Variants in MAGI1 observed in about 807,000 individuals in gnomAD.
The protein encoded by MAGI1 is membrane-associated guanylate kinase, WW and PDZ domain-containing protein 1.
In MAGI1, 58 loss-of-function variants were observed where a neutral mutation model predicts 139.9. That is an observed-to-expected ratio of 0.41 (90% CI 0.34 to 0.52). MAGI1 has a LOEUF of 0.52. Ranked by LOEUF, MAGI1 falls within the 20% of genes least tolerant of loss-of-function variation. MAGI1 has a pLI of 0.12. For missense variants in MAGI1, 1,874 were observed against 1,901.6 expected (o/e 0.99, Z 0.27); for synonymous variants, 812 against 737.9 (o/e 1.10, Z -1.63).
intron 1 of MAGI1, among the ~76,000 whole-genome samples, chr3:66,020,619 C>T (rs1331736709): frequency 1.3e-5 from 2 of 152,190 alleles, no homozygotes; most frequent in African/African-American, 4.8e-5. Flanking sequence ...CCTGAAGCTC[C>T]ATCCTTCTGA....
At chr3:66,006,103 C>T (rs760506871) in intron 1 of MAGI1, among the ~76,000 whole-genome samples, 2 of 152,194 alleles carry the variant, frequency 1.3e-5, no homozygotes, top group African/African-American at 2.4e-5. Flanking sequence ...TTTACCACTA[C>T]CAGACACAGC....
intron 1 of MAGI1, among the ~76,000 whole-genome samples, chr3:65,897,624 C>A (rs1454949670): frequency 6.6e-6 from 1 of 151,978 alleles, no homozygotes; most frequent in African/African-American, 2.4e-5. Flanking sequence ...GCATGTTGTG[C>A]ACATGTACCC....
chr3:65,867,070 T>C (rs1168446770), intron 1 of MAGI1, among the ~76,000 whole-genome samples: 1 of 152,192 alleles, frequency 6.6e-6, no homozygotes, highest in Non-Finnish European at 1.5e-5. Flanking sequence ...GGTGAGTTGC[T>C]TAGTTTCCTG....
intron 1 of MAGI1, among the ~76,000 whole-genome samples, chr3:65,757,668 A>G (rs2036673585): frequency 6.6e-6 from 1 of 152,202 alleles, no homozygotes; most frequent in South Asian, 2.1e-4. Context: ...AAATAGAACC[A>G]TACCCTCCTA....
chr3:65,468,697 T>A (rs1112403), intron 5 of MAGI1, among the ~76,000 whole-genome samples: 81,603 of 151,730 alleles, frequency 0.54, 23,745 homozygotes, highest in East Asian at 0.94. Flanking sequence ...GTGTTCTGAG[T>A]TCCAAGCCTT....
At chr3:65,470,189 C>T (rs193109229) in intron 5 of MAGI1, 94 bp downstream of exon 5, 151 of 821,186 alleles carry the variant, frequency 1.8e-4, no homozygotes, top group Non-Finnish European at 2.6e-4. Context: ...TGATCAATCC[C>T]TTAAATGTAA....
At chr3:65,469,133 T>A (rs1282088373) in intron 5 of MAGI1, among the ~76,000 whole-genome samples, 2 of 152,184 alleles carry the variant, frequency 1.3e-5, no homozygotes, top group Non-Finnish European at 2.9e-5. Flanking sequence ...GAACTTGATC[T>A]ACATATTAAC....
chr3:65,505,729 A>G (rs1249037855), intron 2 of MAGI1, among the ~76,000 whole-genome samples: 1 of 151,498 alleles, frequency 6.6e-6, no homozygotes, highest in Non-Finnish European at 1.5e-5. Context: ...ATTTAAAATT[A>G]CATCGTTTCA....
intron 1 of MAGI1, among the ~76,000 whole-genome samples, chr3:65,635,016 T>G (rs2084527741): frequency 6.6e-6 from 1 of 151,940 alleles, no homozygotes; most frequent in African/African-American, 2.4e-5. Flanking sequence ...GTGATGGGAG[T>G]ACATGTTTTG....
At chr3:65,922,944 AT>A (rs11315418) in intron 1 of MAGI1, among the ~76,000 whole-genome samples, 115,555 of 152,086 alleles carry the variant, frequency 0.76, 45,139 homozygotes, top group East Asian at 0.98. Flanking sequence ...AAAACATAAC[AT>A]TTTTTTCTTG....
intron 22 of MAGI1, among the ~76,000 whole-genome samples, chr3:65,357,668 T>C (rs1346276022): frequency 6.6e-6 from 1 of 152,066 alleles, no homozygotes; most frequent in Non-Finnish European, 1.5e-5. Flanking sequence ...CTTATCTGGG[T>C]GGTGATTAAA....
At chr3:65,967,505 A>G (rs1168267484) in intron 1 of MAGI1, among the ~76,000 whole-genome samples, 1 of 152,176 alleles carries the variant, frequency 6.6e-6, no homozygotes, top group East Asian at 1.9e-4. Context: ...CACAGATTCC[A>G]GTTACAGGTT....
At chr3:65,888,773 C>CA (rs1416431099) in intron 1 of MAGI1, among the ~76,000 whole-genome samples, 1 of 152,034 alleles carries the variant, frequency 6.6e-6, no homozygotes, top group Non-Finnish European at 1.5e-5. Flanking sequence ...CCAGGATGCC[C>CA]AAGACCTTCC....
At chr3:65,846,072 T>C (rs2058982986) in intron 1 of MAGI1, among the ~76,000 whole-genome samples, 1 of 152,168 alleles carries the variant, frequency 6.6e-6, no homozygotes, top group African/African-American at 2.4e-5. Context: ...CAACACTTCA[T>C]TTGCCAAGGT....
At chr3:65,432,772 G>T (rs146182840) in intron 10 of MAGI1, among the ~76,000 whole-genome samples, 6 of 152,096 alleles carry the variant, frequency 3.9e-5, no homozygotes, top group African/African-American at 7.2e-5. Context: ...TTTACTTTAG[G>T]GGGAGGAGGG....
chr3:65,926,454 C>CT (rs1205999612), intron 1 of MAGI1, among the ~76,000 whole-genome samples: 1 of 151,362 alleles, frequency 6.6e-6, no homozygotes, highest in African/African-American at 2.4e-5. Flanking sequence ...TAAAATAAGA[C>CT]TAAGACCTGC....
At position 65,437,224 on chromosome 3, in the gene MAGI1, G is replaced by A; in HGVS notation, c.1294C>T (p.Leu432Phe). The change falls in exon 10 of 23, where the codon CTT becomes TTT. Residue 432 changes from leucine to phenylalanine, a missense_variant. Physicochemically the swap from Leu to Phe is conservative, Grantham distance 22. Coordinates refer to ENST00000402939, the MANE Select transcript of MAGI1 (RefSeq NM_001033057.2). ...TGGTTTGGAATAACAGGAGGCACAA[G>A]GGCTGAGTGATCTTCTGTCCATTCT... ...TEEWTEDHSA[L>F]VPPVIPNHPP... 2 of 1,611,116 alleles carry A rather than the reference G, an allele frequency of 1.2e-6. No homozygotes were observed. Among genetic ancestry groups the A allele is most frequent in the Non-Finnish European group, 1.7e-6 (2 of 1,177,566 alleles).
intron 2 of MAGI1, among the ~76,000 whole-genome samples, chr3:65,501,144 A>G (rs1365123872): frequency 6.6e-6 from 1 of 152,158 alleles, no homozygotes; most frequent in Non-Finnish European, 1.5e-5. Context: ...TGAAACAGAC[A>G]TCTTATTTAA....
At chr3:65,661,017 T>C (rs907623434) in intron 1 of MAGI1, among the ~76,000 whole-genome samples, 6 of 152,158 alleles carry the variant, frequency 3.9e-5, no homozygotes, top group Non-Finnish European at 8.8e-5. Flanking sequence ...GAATACTAAT[T>C]TTCTAAAGTA....
Sources: allele counts gnomAD v4.1 joint callset (sites outside exome capture counted in the v4.1 genomes callset), GRCh38; gene constraint gnomAD v4.1.1; transcripts MANE v1.5; gene names NCBI Gene and HGNC (gene_info 2026-07-23, HGNC 2026-07-21).